Variants in NFIB observed in about 807,000 individuals in gnomAD.
NFIB encodes nuclear factor I B.
NFIB carries 11 observed loss-of-function variants against 61.5 expected under a neutral mutation model. The observed-to-expected ratio is 0.18, with a 90% CI of 0.11 to 0.30. NFIB has a LOEUF of 0.30. Ranked by LOEUF, NFIB falls within the 10% of genes least tolerant of loss-of-function variation. The pLI is 1.00. For missense variants in NFIB, 471 were observed against 608.9 expected (o/e 0.77, Z 2.38); for synonymous variants, 260 against 216.5 (o/e 1.20, Z -1.76).
intron 2 of NFIB, among the ~76,000 whole-genome samples, chr9:14,202,694 T>C (rs1041114938): frequency 6.6e-6 from 1 of 152,194 alleles, no homozygotes; most frequent in Non-Finnish European, 1.5e-5. Context: ...ATATGTGTAG[T>C]ATTTTATATG....
chr9:14,438,919 G>A, the NFIB span, among the ~76,000 whole-genome samples: 2 of 152,158 alleles, frequency 1.3e-5, no homozygotes, highest in African/African-American at 2.4e-5. Flanking sequence ...GAGTACTGGA[G>A]AGCCTGGGAA....
chr9:14,274,471 G>A (rs1176134909), intron 2 of NFIB, among the ~76,000 whole-genome samples: 2 of 152,072 alleles, frequency 1.3e-5, no homozygotes, highest in Non-Finnish European at 2.9e-5. Context: ...CTGTGTGCTG[G>A]GCTGAGCAGC....
intron 2 of NFIB, among the ~76,000 whole-genome samples, chr9:14,291,581 T>TA (rs537595629): frequency 6.6e-6 from 1 of 152,058 alleles, no homozygotes; most frequent in Middle Eastern, 3.2e-3. Context: ...ATTAAACTAA[T>TA]AAAAAAATTC....
chr9:14,118,284 T>C (rs1303738794), intron 8 of NFIB, among the ~76,000 whole-genome samples: 3 of 152,230 alleles, frequency 2.0e-5, no homozygotes, highest in East Asian at 1.9e-4. Context: ...AAAATGTTTC[T>C]ACATACAGTG....
chr9:14,486,445 T>C, the NFIB span, among the ~76,000 whole-genome samples: 1 of 152,102 alleles, frequency 6.6e-6, no homozygotes, highest in Non-Finnish European at 1.5e-5. Flanking sequence ...GTGATCTGGA[T>C]TAAAAACTGC....
intron 3 of NFIB, among the ~76,000 whole-genome samples, chr9:14,163,528 T>C (rs563845973): frequency 3.3e-5 from 5 of 151,802 alleles, no homozygotes; most frequent in Non-Finnish European, 7.4e-5. Context: ...TTAAGCTGAA[T>C]TACAACAAAG....
intron 2 of NFIB, among the ~76,000 whole-genome samples, chr9:14,297,476 G>T (rs2059508789): frequency 1.3e-5 from 2 of 152,104 alleles, no homozygotes; most frequent in African/African-American, 4.8e-5. Flanking sequence ...TTGATCTTGT[G>T]AACATTCCTG....
intron 10 of NFIB, among the ~76,000 whole-genome samples, chr9:14,090,289 G>C (rs1356504124): frequency 1.3e-5 from 2 of 152,088 alleles, no homozygotes; most frequent in Non-Finnish European, 2.9e-5. Flanking sequence ...AAGAATACTT[G>C]TTATTGAAAC....
chr9:14,138,520 T>A (rs1251327086), intron 6 of NFIB, among the ~76,000 whole-genome samples: 1 of 152,126 alleles, frequency 6.6e-6, no homozygotes. Context: ...AATGTTATAT[T>A]TGTTAAATTG....
intron 2 of NFIB, among the ~76,000 whole-genome samples, chr9:14,223,564 T>C (rs1234448770): frequency 6.6e-6 from 1 of 152,310 alleles, no homozygotes; most frequent in African/African-American, 2.4e-5. Context: ...CTGACTCTTT[T>C]TATACCTCAA....
intron 2 of NFIB, among the ~76,000 whole-genome samples, chr9:14,217,940 T>A (rs1163224634): frequency 6.6e-6 from 1 of 152,174 alleles, no homozygotes; most frequent in Non-Finnish European, 1.5e-5. Flanking sequence ...TAAATATATA[T>A]GGGCAGTGGT....
chr9:14,348,866 G>A (rs1244275310), intron 1 of NFIB, among the ~76,000 whole-genome samples: 1 of 152,248 alleles, frequency 6.6e-6, no homozygotes, highest in African/African-American at 2.4e-5. Flanking sequence ...TCTAAGTTCG[G>A]AAACCACGAA....
chr9:14,385,208 C>T (rs561743233), intron 1 of NFIB, among the ~76,000 whole-genome samples: 7 of 152,220 alleles, frequency 4.6e-5, no homozygotes, highest in Admixed American at 2.6e-4. Context: ...CCCACTCAGC[C>T]GATGAGGAAA....
intron 10 of NFIB, among the ~76,000 whole-genome samples, chr9:14,091,156 CA>C (rs1358548461): frequency 6.6e-6 from 1 of 151,730 alleles, no homozygotes; most frequent in Admixed American, 6.6e-5. Flanking sequence ...TAACACTATG[CA>C]GACCCCATAT....
chr9:14,362,663 G>C (rs552448915), intron 1 of NFIB: 10 of 152,262 alleles, frequency 6.6e-5, no homozygotes, highest in Admixed American at 6.5e-4. Context: ...AGGAGGCCGA[G>C]GCAGGGAGGA....
intron 2 of NFIB, among the ~76,000 whole-genome samples, chr9:14,201,047 T>C (rs2048979878): frequency 6.6e-6 from 1 of 152,170 alleles, no homozygotes; most frequent in Non-Finnish European, 1.5e-5. Context: ...GCCCAGACTC[T>C]ATCTTCCTTT....
intron 10 of NFIB, among the ~76,000 whole-genome samples, chr9:14,094,774 CTAAGTAGG>C (rs1244205283): frequency 6.6e-6 from 1 of 152,082 alleles, no homozygotes; most frequent in Non-Finnish European, 1.5e-5. Flanking sequence ...TGTTTCTTAA[CTAAGTAGG>C]TAAATAGCCT....
chr9:14,262,130 ACTC>A (rs1563955095), intron 2 of NFIB, among the ~76,000 whole-genome samples: 1 of 151,118 alleles, frequency 6.6e-6, no homozygotes, highest in African/African-American at 2.4e-5. Flanking sequence ...CCTCACCATG[ACTC>A]CTCCCTCTTG....
chr9:14,217,742 T>C (rs1379575654), intron 2 of NFIB, among the ~76,000 whole-genome samples: 3 of 150,008 alleles, frequency 2.0e-5, no homozygotes, highest in African/African-American at 7.3e-5. Flanking sequence ...AAAATCCTGC[T>C]CCAAACACTC....
Sources: allele counts gnomAD v4.1 joint callset (sites outside exome capture counted in the v4.1 genomes callset), GRCh38; gene constraint gnomAD v4.1.1; transcripts MANE v1.5; gene names NCBI Gene and HGNC (gene_info 2026-07-23, HGNC 2026-07-21).